Variants in SHPRH observed in about 807,000 individuals in gnomAD.
SHPRH encodes E3 ubiquitin-protein ligase SHPRH.
In SHPRH, 106 loss-of-function variants were observed where a neutral mutation model predicts 202.5. The observed-to-expected ratio is 0.52, with a 90% confidence interval of 0.45 to 0.62. The LOEUF (loss-of-function observed/expected upper bound fraction) is 0.62. Among genes scored for constraint, SHPRH ranks in the 20% least tolerant of loss-of-function variants. The probability of loss-of-function intolerance (pLI) is 0.00; values close to 1 mark genes in which losing one functional copy is unlikely to be tolerated. For missense variants in SHPRH, 1,710 were observed against 2,020.0 expected (o/e 0.85, Z 2.94); for synonymous variants, 729 against 686.0 (o/e 1.06, Z -0.98).
intron 2 of SHPRH, among the ~76,000 whole-genome samples, chr6:145,875,667 G>C (rs1780268548): frequency 6.6e-6 from 1 of 152,194 alleles, no homozygotes; most frequent in Admixed American, 6.5e-5. Flanking sequence ...AACGTCATGA[G>C]GGTTAATGAG....
intron 2 of SHPRH, among the ~76,000 whole-genome samples, chr6:145,953,301 G>C (rs1388916051): frequency 2.0e-5 from 3 of 151,916 alleles, no homozygotes; most frequent in Admixed American, 1.3e-4. Flanking sequence ...ATTCTGTCTT[G>C]GCTCGCTTGG....
intron 9 of SHPRH, 39 bp from the exon 10 acceptor site, chr6:145,941,913 C>A (rs1223479178): frequency 6.2e-7 from 1 of 1,601,700 alleles, no homozygotes; most frequent in East Asian, 2.2e-5. Flanking sequence ...TGCAAAAAGG[C>A]TCACTAAAGG....
chr6:145,945,936 C>T (rs557507865), intron 7 of SHPRH, among the ~76,000 whole-genome samples: 1 of 152,082 alleles, frequency 6.6e-6, no homozygotes, highest in African/African-American at 2.4e-5. Context: ...GTATACGCTA[C>T]CATTAGTATG....
intron 28 of SHPRH, 92 bp downstream of exon 28, chr6:145,893,121 TAC>T (rs1781710609): frequency 4.7e-6 from 5 of 1,058,978 alleles, no homozygotes; most frequent in Non-Finnish European, 6.2e-6. Flanking sequence ...TAAAAACAAG[TAC>T]GCTATGATGA....
In SHPRH at chr6:145,950,452, T is replaced by C. The variant is rs1238321515; in HGVS notation, c.794A>G (p.Glu265Gly). Residue 265 changes from glutamate to glycine, a missense_variant, in exon 4 of 30, where the codon GAG (glutamate) becomes GGG (glycine). Physicochemically the swap from Glu to Gly is moderately conservative, Grantham distance 98. Coordinates refer to ENST00000275233, the MANE Select transcript of SHPRH (RefSeq NM_001042683.3). ...DVLEEDEDDP[E>G]SEPEGQDIDE... ...AATGTCTTGTCCCTCTGGCTCACTCTCCGGATCATCTTCATCCTCTTCCAA... is the reference window on the plus strand; with the variant it reads ...AATGTCTTGTCCCTCTGGCTCACTCCCCGGATCATCTTCATCCTCTTCCAA... 1 of 1,612,952 alleles carries C rather than the reference T, an allele frequency of 6.2e-7. No individual in the cohort carries two copies. The highest frequency in any genetic ancestry group is 8.5e-7 in the Non-Finnish European group (1 of 1,179,316).
intron 23 of SHPRH, among the ~76,000 whole-genome samples, chr6:145,915,951 TCAATTA>T (rs1306670295): frequency 1.3e-5 from 2 of 152,122 alleles, no homozygotes; most frequent in Non-Finnish European, 2.9e-5. Context: ...TTCTTGAACT[TCAATTA>T]CAAGTATGCT....
At chr6:145,894,742 A>G (rs1781864566) in intron 26 of SHPRH, 143 bp downstream of exon 26, 4 of 601,830 alleles carry the variant, frequency 6.6e-6, no homozygotes, top group Non-Finnish European at 1.1e-5. Flanking sequence ...AAATAATTCT[A>G]TCTTCTCTAA....
intron 22 of SHPRH, 145 bp from the exon 23 acceptor site, chr6:145,918,377 A>ATAC: frequency 2.1e-6 from 1 of 469,384 alleles, no homozygotes; most frequent in East Asian, 3.6e-5. Context: ...TTCAAAATGG[A>ATAC]TACTAGATAA....
chr6:145,922,980 T>C, intron 18 of SHPRH, 144 bp from the exon 19 acceptor site: 1 of 1,038,842 alleles, frequency 9.6e-7, no homozygotes, highest in Non-Finnish European at 1.3e-6. Context: ...TTTGAGTGAG[T>C]TTTCCTTCAG....
intron 28 of SHPRH, among the ~76,000 whole-genome samples, chr6:145,889,226 G>C (rs1359513170): frequency 6.6e-6 from 1 of 151,998 alleles, no homozygotes; most frequent in African/African-American, 2.4e-5. Context: ...TCATCGAAGG[G>C]GTGTAGACAA....
chr6:145,919,179 T>C, intron 22 of SHPRH, 169 bp downstream of exon 22: 3 of 872,684 alleles, frequency 3.4e-6, no homozygotes, highest in African/African-American at 1.7e-5. Flanking sequence ...TGCTCATCTT[T>C]GACCATTTTT....
At chr6:145,906,829 G>C (rs1306790749) in intron 25 of SHPRH, 2 of 152,126 alleles carry the variant, frequency 1.3e-5, no homozygotes, top group African/African-American at 2.4e-5. Context: ...AAAGTCATCA[G>C]TGACCTCATT....
chr6:145,884,320 G>A (rs567891379), downstream of SHPRH: 1 of 152,292 alleles, frequency 6.6e-6, no homozygotes, highest in South Asian at 2.1e-4. Context: ...ACATAGCAGA[G>A]CTATCTGGGT....
chr6:145,866,927 G>A (rs927440537), intron 2 of SHPRH, among the ~76,000 whole-genome samples: 2 of 151,996 alleles, frequency 1.3e-5, no homozygotes, highest in East Asian at 1.9e-4. Context: ...GAGGGGACAG[G>A]GGCAACATTT....
At chr6:145,915,352 T>C (rs76150515) in intron 23 of SHPRH, among the ~76,000 whole-genome samples, 9,347 of 151,784 alleles carry the variant, frequency 0.062, 385 homozygotes, top group East Asian at 0.17. Flanking sequence ...TATCCTTGCA[T>C]ATTTATCTAC....
At chr6:145,932,693 A>G (rs1055018419) in intron 14 of SHPRH, among the ~76,000 whole-genome samples, 3 of 152,172 alleles carry the variant, frequency 2.0e-5, no homozygotes, top group Non-Finnish European at 4.4e-5. Flanking sequence ...AATTCCTTTA[A>G]TGTGTCAAAA....
chr6:145,926,109 A>G (rs1784853147), intron 16 of SHPRH, 95 bp downstream of exon 16: 2 of 1,085,372 alleles, frequency 1.8e-6, no homozygotes, highest in Non-Finnish European at 2.7e-6. Flanking sequence ...GATTACATTT[A>G]TTTGTATGTT....
chr6:145,945,797 G>A (rs1473969409), intron 7 of SHPRH, 160 bp from the exon 8 acceptor site: 1 of 669,384 alleles, frequency 1.5e-6, no homozygotes. Flanking sequence ...TAATAAAAAT[G>A]TATCTCAGCA....
chr6:145,902,704 C>A (rs1782608092), intron 25 of SHPRH, among the ~76,000 whole-genome samples: 1 of 152,054 alleles, frequency 6.6e-6, no homozygotes, highest in Non-Finnish European at 1.5e-5. Flanking sequence ...TACACTGTAG[C>A]TTGGCTTTAC....
Sources: allele counts gnomAD v4.1 joint callset (sites outside exome capture counted in the v4.1 genomes callset), GRCh38; gene constraint gnomAD v4.1.1; transcripts MANE v1.5; gene names NCBI Gene and HGNC (gene_info 2026-07-23, HGNC 2026-07-21).